Variants in CDHR1 observed in about 807,000 individuals in gnomAD.
CDHR1 encodes the protein cadherin-related family member 1.
Under a neutral mutation model 72.1 loss-of-function variants are expected in CDHR1, and 61 were observed. The observed-to-expected ratio is 0.85, with a 90% CI of 0.69 to 1.05. The LOEUF is 1.05. Ranked by LOEUF, CDHR1 falls within the 50% of genes least tolerant of loss-of-function variation. The pLI, the probability that CDHR1 is intolerant of heterozygous loss-of-function variation, is 0.00. For synonymous variants in CDHR1, 470 were observed against 448.1 expected, an observed-to-expected ratio of 1.05 and a Z score of -0.62; for missense variants, 1,186 against 1,115.7, an observed-to-expected ratio of 1.06 and a Z score of -0.90.
Position 84,200,669 on chromosome 10 carries a change from T to G in CDHR1, c.507T>G (p.Ser169Arg), listed in dbSNP as rs758116873. 1 of 1,610,850 alleles carries G rather than the reference T, an allele frequency of 6.2e-7. No homozygotes were observed. The highest frequency in any genetic ancestry group is 1.1e-5 in the South Asian group (1 of 90,166). ...ACAGGGACACAGGCTCTGGAGGGAG[T>G]GTCACCTACTTCCTGCAGGTAAGGC... The part of the protein sequence containing the change: ...AVDRDTGSGG[S>R]VTYFLQNLHS... Residue 169 changes from serine (S) to arginine (R), a missense_variant, in exon 6 of 17, where the codon AGT becomes AGG. Ser to Arg is a moderately radical substitution (Grantham distance 110, BLOSUM62 -1). Transcript: ENST00000623527.
Position 84,196,532 on chromosome 10 carries a change from CAGACCCTGAGGG to C in CDHR1, c.186_197del (p.Glu63_Pro66del). 6.2e-7 allele frequency: 1 copy of C among 1,614,226 alleles called. No homozygotes were observed. The highest frequency in any genetic ancestry group is 1.1e-5 in the South Asian group (1 of 91,078). ...TCTCACGTATACACCCTGAATGGGA[CAGACCCTGAGGG>C]AGACCCCATCTCCTACCACATCAGC... On this transcript the variant is annotated inframe_deletion, in exon 3 of 17. Coordinates refer to ENST00000623527, the MANE Select transcript of CDHR1 (RefSeq NM_033100.4).
At chr10:84,195,672 C>A (rs1842017454) in intron 2 of CDHR1, 83 bp downstream of exon 2, 1 of 1,236,472 alleles carries the variant, frequency 8.1e-7, no homozygotes, top group Admixed American at 1.9e-5. Flanking sequence ...CCAGGCACCA[C>A]CCAAGTTGCT....
chr10:84,204,292 C>G (rs1008082213), intron 8 of CDHR1, among the ~76,000 whole-genome samples: 1 of 152,156 alleles, frequency 6.6e-6, no homozygotes. Context: ...AGCACAGGTA[C>G]TGACCCCTAC....
At chr10:84,208,528 G>T in intron 11 of CDHR1, 151 bp downstream of exon 11, 1 of 1,008,858 alleles carries the variant, frequency 9.9e-7, no homozygotes. Flanking sequence ...TAACCAAGGG[G>T]GAGAGGAGGG....
In CDHR1 at chr10:84,212,172, C is replaced by T. The variant is rs1842343701; in HGVS notation, c.1554-7C>T. 3 of 1,613,086 alleles carry T rather than the reference C, an allele frequency of 1.9e-6. No individual in the cohort carries two copies. The highest frequency in any genetic ancestry group is 2.5e-6 in the Non-Finnish European group (3 of 1,179,110). ...GCACACCCATGCCTATGTGCTCTGC[C>T]TGGCAGCTTCCTGATCCACCCATCC... On this transcript the variant is annotated splice_polypyrimidine_tract_variant and splice_region_variant and intron_variant, in intron 14 of 16. Transcript: ENST00000623527.
intron 10 of CDHR1, 40 bp from the exon 11 acceptor site, chr10:84,208,134 C>T: frequency 2.6e-6 from 4 of 1,568,436 alleles, no homozygotes; most frequent in Non-Finnish European, 3.5e-6. Flanking sequence ...TATGAAGGGT[C>T]CACCTGCCAC....
chr10:84,210,853 C>T, intron 12 of CDHR1, 148 bp from the exon 13 acceptor site: 1 of 855,478 alleles, frequency 1.2e-6, no homozygotes, highest in Admixed American at 1.7e-5. Context: ...TAGAGGTGAC[C>T]CTTACAGGAA....
chr10:84,202,470 C>A (rs113451619), intron 7 of CDHR1, among the ~76,000 whole-genome samples: 2 of 152,256 alleles, frequency 1.3e-5, no homozygotes. Context: ...TGCAGGCAAG[C>A]CCCTGCTGGT....
At chr10:84,210,558 C>T (rs1460767060) in intron 12 of CDHR1, among the ~76,000 whole-genome samples, 4 of 152,142 alleles carry the variant, frequency 2.6e-5, no homozygotes, top group Non-Finnish European at 4.4e-5. Flanking sequence ...TGAGCCACTG[C>T]GCCTGACCTA....
At chr10:84,195,375 C>T in intron 1 of CDHR1, 119 bp from the exon 2 acceptor site, 1 of 936,702 alleles carries the variant, frequency 1.1e-6, no homozygotes, top group Non-Finnish European at 1.7e-6. Flanking sequence ...GTTGGGGAGG[C>T]GGAGCGCCCT....
intron 15 of CDHR1, chr10:84,212,842 T>C (rs10887255): frequency 0.27 from 157,700 of 592,538 alleles, 22,936 homozygotes; most frequent in African/African-American, 0.42. Context: ...ATCTGTAATA[T>C]GGATTCACCA....
At chr10:84,201,974 A>G (rs1286195377) in intron 7 of CDHR1, 54 bp downstream of exon 7, 7 of 1,402,252 alleles carry the variant, frequency 5.0e-6, no homozygotes, top group African/African-American at 4.2e-5. Context: ...TTGGGTTGGA[A>G]CCAAGTTAGG....
intron 1 of CDHR1, among the ~76,000 whole-genome samples, chr10:84,195,066 AC>A (rs1454131658): frequency 6.6e-6 from 1 of 151,582 alleles, no homozygotes. Flanking sequence ...TGGCGCCCGG[AC>A]CCCCGCTGCT....
Position 84,215,640 on chromosome 10 carries a change from A to C in CDHR1, c.*1019A>C. 2 of 975,126 alleles carry C rather than the reference A, an allele frequency of 2.1e-6. No homozygotes were observed. The highest frequency in any genetic ancestry group is 2.4e-6 in the Non-Finnish European group (2 of 820,510). 60.4% of individuals were successfully genotyped at this position (975,126 alleles called of 1,614,324 possible). ...GCAGGTCTAGGGTGAGGATTGAAGA[A>C]AATAGTGGTGATGAGGGCTTTAACC... On this transcript the variant is annotated 3_prime_UTR_variant, in exon 17 of 17. Transcript: ENST00000623527.
chr10:84,198,188 C>T (rs1842060528), intron 4 of CDHR1, among the ~76,000 whole-genome samples: 1 of 152,196 alleles, frequency 6.6e-6, no homozygotes, highest in South Asian at 2.1e-4. Flanking sequence ...CACTTTCTCT[C>T]AGCGATCATC....
chr10:84,198,028 G>C (rs1564656407), intron 4 of CDHR1, among the ~76,000 whole-genome samples, 192 bp downstream of exon 4: 2 of 152,198 alleles, frequency 1.3e-5, no homozygotes, highest in African/African-American at 4.8e-5. Context: ...GGAAAAGAAG[G>C]AATGGAGAGA....
chr10:84,203,297 C>G (rs1312899280), intron 8 of CDHR1, among the ~76,000 whole-genome samples, 174 bp downstream of exon 8: 1 of 152,230 alleles, frequency 6.6e-6, no homozygotes, highest in African/African-American at 2.4e-5. Flanking sequence ...CTTTTGCCCC[C>G]AACTAGACCA....
Position 84,214,077 on chromosome 10 carries a change from T to C in CDHR1, c.2041-5T>C, listed in dbSNP as rs775771301. On this transcript the variant is annotated splice_region_variant and splice_polypyrimidine_tract_variant and intron_variant, in intron 16 of 16. Transcript: ENST00000623527. ...CTGAGTGCAGGGAGTGGCTTTCTCT[T>C]TCAGACCCTCTCCCGGAGCCCCATG... 2.5e-6 allele frequency: 4 copies of C among 1,614,048 alleles called. No homozygotes were observed. In the African/African-American group the frequency reaches 5.3e-5, roughly 22 times the overall value.
chr10:84,218,329 G>A lies in CDHR1; in HGVS notation c.*3708G>A. 7.1e-6 allele frequency: 7 copies of A among 985,420 alleles called. No homozygotes were observed. Among genetic ancestry groups the A allele is most frequent in the Non-Finnish European group, 8.4e-6 (7 of 829,934 alleles). The allele number at this position is 985,420 out of a possible 1,614,324, so 61.0% of individuals were successfully genotyped here. ...GCAGAGTAGCAACAGGCTGATGTTG[G>A]GGACATCGGTTTGATGTTATAAAAT... On this transcript the variant is annotated 3_prime_UTR_variant, in exon 17 of 17. Transcript: ENST00000623527.
Sources: gnomAD v4.1 joint callset for allele counts (sites outside exome capture counted in the v4.1 genomes callset) on GRCh38, gnomAD v4.1.1 for gene constraint, MANE v1.5 for transcripts, NCBI Gene and HGNC (gene_info 2026-07-23, HGNC 2026-07-21) for gene names.